Variants in MFSD6 observed in about 807,000 individuals in gnomAD.
MFSD6 encodes the protein major facilitator superfamily domain-containing protein 6.
A neutral mutation model predicts 56.3 loss-of-function variants in MFSD6; 26 were observed. The observed-to-expected ratio is 0.46, with a 90% CI of 0.34 to 0.64. The LOEUF is 0.64. Among genes scored for constraint, MFSD6 ranks in the 30% least tolerant of loss-of-function variants. MFSD6 has a pLI of 0.01. For synonymous variants in MFSD6, 331 were observed against 366.9 expected (o/e 0.90, Z 1.12); for missense variants, 750 against 986.2 (o/e 0.76, Z 3.21).
intron 3 of MFSD6, among the ~76,000 whole-genome samples, chr2:190,448,337 T>C (rs973159677): frequency 1.2e-4 from 18 of 152,186 alleles, no homozygotes; most frequent in African/African-American, 4.1e-4. Context: ...CTCATACACA[T>C]GCAGAAAGAT....
rs1047064098 is a variant in MFSD6 at position 190,465,826 on chromosome 2, C to G, written c.1533-3932C>G. ...TGGCCAACATAGTGAAACCCCATCTCTACTAAAAATACAAAAATTAGCCGG... is the reference window on the plus strand; with the variant it reads ...TGGCCAACATAGTGAAACCCCATCTGTACTAAAAATACAAAAATTAGCCGG... On this transcript the variant is annotated intron_variant, in intron 3 of 7. Transcript: ENST00000392328. This position sits in a 1 kb window ranked among gnomAD's most constrained non-coding sequence, Gnocchi z 4.6. Among the ~76,000 whole-genome samples, 3 of 152,134 alleles carry G rather than the reference C, an allele frequency of 2.0e-5. No homozygotes were observed. Among genetic ancestry groups the G allele is most frequent in the Non-Finnish European group, 4.4e-5 (3 of 68,028 alleles).
chr2:190,468,689 G>A (rs1687740995), intron 3 of MFSD6, among the ~76,000 whole-genome samples: 1 of 150,942 alleles, frequency 6.6e-6, no homozygotes, highest in South Asian at 2.1e-4. Context: ...GAACTCTTGG[G>A]CGCAAGTGAT....
At position 190,423,447 on chromosome 2, in the gene MFSD6, T is replaced by C. The variant is rs777544242; in HGVS notation, c.-54+8034T>C. 6.6e-6 allele frequency among the ~76,000 whole-genome samples: 1 copy of C among 152,260 alleles called. No individual in the cohort carries two copies. Among genetic ancestry groups the C allele is most frequent in the Non-Finnish European group, 1.5e-5 (1 of 68,044 alleles). ...ATTATCTGGAAATTTATCCAGTTTA[T>C]TGCATGTATCAATCGTTTGCTCCTT... On this transcript the variant is annotated intron_variant, in intron 2 of 7. Coordinates refer to ENST00000392328, the MANE Select transcript of MFSD6 (RefSeq NM_017694.4). This position sits in a 1 kb window ranked among gnomAD's most constrained non-coding sequence, Gnocchi z 4.3.
rs13026969 is a variant in MFSD6, at chr2:190,431,490, A to G, written c.-53-4487A>G. ...GGCCGAGGCTGGCGGATCACTCGCG[A>G]TTAGGAGCTGGAGACTAGCCCGGCC... is the stretch of plus-strand genomic sequence containing the variant. On this transcript the variant is annotated intron_variant, in intron 2 of 7. Transcript: ENST00000392328. This position sits in a 1 kb window ranked among gnomAD's most constrained non-coding sequence, Gnocchi z 4.4. Among the ~76,000 whole-genome samples the G allele has an allele frequency of 0.45, 69,041 of 152,108 alleles. 16,093 individuals carry two copies. The highest frequency in any genetic ancestry group is 0.61 in the Admixed American group (9,258 of 15,284).
intron 2 of MFSD6, among the ~76,000 whole-genome samples, chr2:190,422,144 T>G (rs957246933): frequency 2.6e-5 from 4 of 152,258 alleles, no homozygotes; most frequent in African/African-American, 9.6e-5. Flanking sequence ...TTCTGTTTAT[T>G]TAACTTTCTC....
rs1161463618 is a variant in MFSD6, at chr2:190,439,678, C to A, written c.1532+2117C>A. Among the ~76,000 whole-genome samples, 1 of 152,146 alleles carries A rather than the reference C, an allele frequency of 6.6e-6. No homozygotes were observed. The highest frequency in any genetic ancestry group is 1.5e-5 in the Non-Finnish European group (1 of 68,026). On this transcript the variant is annotated intron_variant, in intron 3 of 7. Transcript: ENST00000392328. This position sits in a 1 kb window ranked among gnomAD's most constrained non-coding sequence, Gnocchi z 5.8. ...TTTTCTGGTTTTTACGGACAAAAAGCATCTTCCATTTCTTGTTTAATAATG... is the reference window on the plus strand; with the variant it reads ...TTTTCTGGTTTTTACGGACAAAAAGAATCTTCCATTTCTTGTTTAATAATG...
At chr2:190,429,688 G>T (rs1020753344) in intron 2 of MFSD6, among the ~76,000 whole-genome samples, 1 of 151,806 alleles carries the variant, frequency 6.6e-6, no homozygotes, top group South Asian at 2.1e-4. Context: ...GTCTTATTTA[G>T]TAAATATTTT....
intron 3 of MFSD6, among the ~76,000 whole-genome samples, chr2:190,446,900 G>A (rs2125076192): frequency 6.6e-6 from 1 of 152,292 alleles, no homozygotes; most frequent in African/African-American, 2.4e-5. Flanking sequence ...TCAGGGGTGA[G>A]GGACTTAGGG....
At chr2:190,429,317 A>G (rs911791584) in intron 2 of MFSD6, among the ~76,000 whole-genome samples, 1 of 151,070 alleles carries the variant, frequency 6.6e-6, no homozygotes. Context: ...ATGGTAGCTT[A>G]TGAACAGAAA....
rs1479257573 is a variant in MFSD6, at chr2:190,426,997, G to A, written c.-53-8980G>A. ...AAAGACTTTTCATTACTGTGAAGTG[G>A]AGATGGGCATTTCAGCTCCCCAGTA... On this transcript the variant is annotated intron_variant, in intron 2 of 7. Coordinates refer to ENST00000392328, the MANE Select transcript of MFSD6 (RefSeq NM_017694.4). This position sits in a 1 kb window ranked among gnomAD's most constrained non-coding sequence, Gnocchi z 4.7. Among the ~76,000 whole-genome samples the A allele has an allele frequency of 2.0e-5, 3 of 152,178 alleles. No homozygotes were observed. The highest frequency in any genetic ancestry group is 4.4e-5 in the Non-Finnish European group (3 of 68,022).
At position 190,471,395 on chromosome 2, in the gene MFSD6, T is replaced by C. The variant is rs1687916852; in HGVS notation, c.1630+1540T>C. Reference sequence around the variant, plus strand: ...GAAAATTGGGTCACTCCCACCCTAATACTGTGCTTTTCCAACAGTCTTAGC... The same window carrying C: ...GAAAATTGGGTCACTCCCACCCTAACACTGTGCTTTTCCAACAGTCTTAGC... On this transcript the variant is annotated intron_variant, in intron 4 of 7. Coordinates refer to ENST00000392328, the MANE Select transcript of MFSD6 (RefSeq NM_017694.4). The surrounding 1 kb of genome is among the most constrained non-coding windows in gnomAD (Gnocchi z 4.7). Among the ~76,000 whole-genome samples the C allele has an allele frequency of 6.6e-6, 1 of 152,174 alleles. No homozygotes were observed.
intron 3 of MFSD6, among the ~76,000 whole-genome samples, chr2:190,455,118 C>A (rs1295814073): frequency 6.6e-6 from 1 of 151,876 alleles, no homozygotes; most frequent in Non-Finnish European, 1.5e-5. Flanking sequence ...AGACTTTAGC[C>A]CAGGTTGTCT....
At position 190,424,281 on chromosome 2, in the gene MFSD6, AATG is replaced by A. The variant is rs1475773889; in HGVS notation, c.-54+8871_-54+8873del. On this transcript the variant is annotated intron_variant, in intron 2 of 7. Coordinates refer to ENST00000392328, the MANE Select transcript of MFSD6 (RefSeq NM_017694.4). The surrounding 1 kb of genome is among the most constrained non-coding windows in gnomAD (Gnocchi z 5.9). Reference sequence around the variant, plus strand: ...TTTTATAGTTTCAAATTGTATAGTTAATGATCCATTTTGAGTTAATATTTGTAT... The same window carrying A: ...TTTTATAGTTTCAAATTGTATAGTTAATCCATTTTGAGTTAATATTTGTAT... 6.6e-6 allele frequency among the ~76,000 whole-genome samples: 1 copy of A among 150,384 alleles called. No homozygotes were observed. The highest frequency in any genetic ancestry group is 2.4e-5 in the African/African-American group (1 of 40,854).
At chr2:190,450,564 C>T (rs1686743243) in intron 3 of MFSD6, among the ~76,000 whole-genome samples, 1 of 133,718 alleles carries the variant, frequency 7.5e-6, no homozygotes, top group Non-Finnish European at 1.5e-5. Context: ...GCAATCTCAG[C>T]TCACTGCAGC....
rs1328852183 is a variant in MFSD6, at chr2:190,418,754, C to T, written c.-54+3341C>T. On this transcript the variant is annotated intron_variant, in intron 2 of 7. Coordinates refer to ENST00000392328, the MANE Select transcript of MFSD6 (RefSeq NM_017694.4). The surrounding 1 kb of genome is among the most constrained non-coding windows in gnomAD (Gnocchi z 4.1). ...CCTGGGTGGCAGAAGGAGCCCCTAT[C>T]TAAAAAAACAAAACAAAACAAAAGA... 6.6e-6 allele frequency among the ~76,000 whole-genome samples: 1 copy of T among 152,128 alleles called. No individual in the cohort carries two copies. Among genetic ancestry groups the T allele is most frequent in the Non-Finnish European group, 1.5e-5 (1 of 68,026 alleles).
In MFSD6 at chr2:190,431,856, T is replaced by TG. The variant is rs1223706770; in HGVS notation, c.-53-4121_-53-4120insG. ...ATAATACTTATAAATTCCAGAGCTT[T>TG]TTATTCAAGTATTCCTTTTATCTGT... On this transcript the variant is annotated intron_variant, in intron 2 of 7. Coordinates refer to ENST00000392328, the MANE Select transcript of MFSD6 (RefSeq NM_017694.4). The surrounding 1 kb of genome is among the most constrained non-coding windows in gnomAD (Gnocchi z 4.4). Among the ~76,000 whole-genome samples the TG allele has an allele frequency of 3.9e-5, 6 of 152,248 alleles. No homozygotes were observed. The highest frequency in any genetic ancestry group is 8.8e-5 in the Non-Finnish European group (6 of 68,040).
intron 4 of MFSD6, among the ~76,000 whole-genome samples, chr2:190,480,553 C>T (rs1171955038): frequency 6.6e-6 from 1 of 152,150 alleles, no homozygotes; most frequent in African/African-American, 2.4e-5. Context: ...TAAAATCACC[C>T]ATGTATTTTA....
rs149142084 is a variant in MFSD6, at chr2:190,500,102, C to T, written c.2260C>T (p.Pro754Ser). The T allele has an allele frequency of 7.0e-3, 11,312 of 1,614,216 alleles. 44 individuals carry two copies. The highest frequency in any genetic ancestry group is 8.2e-3 in the Non-Finnish European group (9,721 of 1,180,042). Residue 754 changes from proline to serine, a missense_variant, in exon 8 of 8, where the codon CCA (proline) becomes TCA (serine). Pro to Ser is a moderately conservative substitution (Grantham distance 74, BLOSUM62 -1). Around this residue, in one of 5 missense-constraint regions of MFSD6, gnomAD observed 172 missense variants for 203.9 expected, o/e 0.84. Transcript: ENST00000392328. This position sits in a 1 kb window ranked among gnomAD's most constrained non-coding sequence, Gnocchi z 5.3. ...TCACTCTGACCCATCTAGAAACCAGCCATCCCCTGACGCAGCAGCATCTCA... is the reference window on the plus strand; with the variant it reads ...TCACTCTGACCCATCTAGAAACCAGTCATCCCCTGACGCAGCAGCATCTCA... ...ETHSDPSRNQ[P>S]SPDAAASQTQ... is the part of the protein sequence containing the mutation.
chr2:190,488,935 A>G lies in MFSD6; in HGVS notation c.1792+117A>G. The G allele has an allele frequency of 2.9e-6, 3 of 1,019,300 alleles. No individual in the cohort carries two copies. Among genetic ancestry groups the G allele is most frequent in the Non-Finnish European group, 4.1e-6 (3 of 724,716 alleles). 63.1% of individuals were successfully genotyped at this position (1,019,300 alleles called of 1,614,324 possible). ...AGATTGCCCAAAGCTAAATTCCAGT[A>G]TTCATAATCTCTTTCTAGATTTCAT... On this transcript the variant is annotated intron_variant, in intron 5 of 7. Coordinates refer to ENST00000392328, the MANE Select transcript of MFSD6 (RefSeq NM_017694.4). The surrounding 1 kb of genome is among the most constrained non-coding windows in gnomAD (Gnocchi z 6.4).
Sources: allele counts gnomAD v4.1 joint callset (sites outside exome capture counted in the v4.1 genomes callset), GRCh38; gene constraint gnomAD v4.1.1; regional missense constraint gnomAD v4.1.1; non-coding constraint Gnocchi (gnomAD v3.1); transcripts MANE v1.5; gene names NCBI Gene and HGNC (gene_info 2026-07-23, HGNC 2026-07-21).